The following MBNL3 variants were observed in gnomAD, a reference collection of about 807,000 sequenced individuals.
MBNL3 encodes muscleblind like splicing regulator 3.
A neutral mutation model predicts 24.5 loss-of-function variants in MBNL3; 6 were observed. The observed-to-expected ratio is 0.25, with a 90% confidence interval of 0.13 to 0.48. The LOEUF (loss-of-function observed/expected upper bound fraction) is 0.48. Ranked by LOEUF, MBNL3 falls within the 20% of genes least tolerant of loss-of-function variation. The probability of loss-of-function intolerance (pLI) is 0.99; values close to 1 mark genes in which losing one functional copy is unlikely to be tolerated. For missense variants in MBNL3, 230 were observed against 293.5 expected (o/e 0.78, Z 1.58); for synonymous variants, 100 against 101.7 (o/e 0.98, Z 0.10).
At chrX:132,415,371 G>C (rs1337417208) in intron 2 of MBNL3, among the ~76,000 whole-genome samples, 2 of 112,206 alleles carry the variant, frequency 1.8e-5, no homozygotes, top group Non-Finnish European at 3.8e-5. Context: ...AAATGTATAT[G>C]AAGAGTATAA....
intron 2 of MBNL3, among the ~76,000 whole-genome samples, chrX:132,409,238 G>T (rs890119777): frequency 3.6e-5 from 4 of 112,174 alleles, no homozygotes; most frequent in Non-Finnish European, 7.5e-5. Flanking sequence ...GTTTGGGAGA[G>T]AACAAACTTG....
intron 1 of MBNL3, among the ~76,000 whole-genome samples, chrX:132,461,346 T>G (rs781343093): frequency 1.3e-4 from 14 of 111,583 alleles, no homozygotes; most frequent in Non-Finnish European, 2.3e-4. Context: ...CTTCACTGGA[T>G]TTCTGTCACA....
intron 1 of MBNL3, among the ~76,000 whole-genome samples, chrX:132,447,083 C>A (rs1253718782): frequency 9.0e-6 from 1 of 110,936 alleles, no homozygotes; most frequent in Non-Finnish European, 1.9e-5. Flanking sequence ...ATTTCTGAGG[C>A]CTCTGTTCTG....
At chrX:132,414,705 C>T (rs755302515) in intron 2 of MBNL3, among the ~76,000 whole-genome samples, 1 of 111,455 alleles carries the variant, frequency 9.0e-6, no homozygotes, top group South Asian at 3.8e-4. Flanking sequence ...CTCTTTAGTA[C>T]ACCCTTAGGA....
chrX:132,483,729 T>C (rs1188544312), intron 1 of MBNL3, among the ~76,000 whole-genome samples: 1 of 112,074 alleles, frequency 8.9e-6, no homozygotes, highest in Non-Finnish European at 1.9e-5. Context: ...CAAAAGATGA[T>C]TGTGGTGGAT....
At chrX:132,459,363 T>C (rs1946522140) in intron 1 of MBNL3, among the ~76,000 whole-genome samples, 1 of 111,107 alleles carries the variant, frequency 9.0e-6, no homozygotes, top group Non-Finnish European at 1.9e-5. Flanking sequence ...TAAACCTGTG[T>C]ATAGAAAGAA....
chrX:132,438,081 T>C (rs145183665), intron 2 of MBNL3: 2,791 of 120,844 alleles, frequency 0.023, 68 homozygotes, highest in African/African-American at 0.085. Flanking sequence ...TTTTTAAGTG[T>C]CAACATGATG....
chrX:132,382,749 A>C (rs1935239518), intron 7 of MBNL3, among the ~76,000 whole-genome samples: 1 of 112,309 alleles, frequency 8.9e-6, no homozygotes, highest in African/African-American at 3.2e-5. Flanking sequence ...GAATGCCGTC[A>C]CTAGATTTGC....
At chrX:132,448,552 G>A (rs986863375) in intron 1 of MBNL3, among the ~76,000 whole-genome samples, 22 of 109,986 alleles carry the variant, frequency 2.0e-4, no homozygotes, top group African/African-American at 7.3e-4. Flanking sequence ...TTATTAGTCC[G>A]GCTAGTGGTC....
chrX:132,450,207 C>G (rs1201551368), intron 1 of MBNL3, among the ~76,000 whole-genome samples: 1 of 111,275 alleles, frequency 9.0e-6, no homozygotes, highest in Non-Finnish European at 1.9e-5. Context: ...GAATGTTGGC[C>G]TGTCTTGCTA....
Position 132,372,928 on chromosome X carries a change from T to G in MBNL3, c.*6738A>C, listed in dbSNP as rs764958989. On this transcript the variant is annotated 3_prime_UTR_variant, in exon 9 of 9. Coordinates refer to ENST00000370853, the MANE Select transcript of MBNL3 (RefSeq NM_001386889.1). ...AATTTCTCTTCAATAATCCAGCTTT[T>G]GAGTATTAGTGATTCTCTTACAGGC... 1 of 111,317 alleles carries G rather than the reference T, an allele frequency of 9.0e-6. No homozygotes were observed. Among genetic ancestry groups the G allele is most frequent in the East Asian group, 2.8e-4 (1 of 3,545 alleles). The allele number at this position is 111,317 out of a possible 1,213,427, so 9.2% of individuals were successfully genotyped here.
At chrX:132,486,570 G>T (rs193152379) in intron 1 of MBNL3, among the ~76,000 whole-genome samples, 1 of 112,389 alleles carries the variant, frequency 8.9e-6, no homozygotes, top group East Asian at 2.8e-4. Flanking sequence ...CTAGGGGAAT[G>T]TACATTCTAC....
chrX:132,455,423 G>A (rs767157720), intron 1 of MBNL3, among the ~76,000 whole-genome samples: 7 of 111,942 alleles, frequency 6.3e-5, no homozygotes, highest in South Asian at 3.7e-4. Flanking sequence ...ATCAAAAAGC[G>A]ATACGGACAA....
chrX:132,466,297 C>T (rs1007645711), intron 1 of MBNL3, among the ~76,000 whole-genome samples: 3 of 111,820 alleles, frequency 2.7e-5, no homozygotes, highest in East Asian at 2.8e-4. Context: ...CTTTGTTAAA[C>T]GGCCCCAAAT....
intron 1 of MBNL3, among the ~76,000 whole-genome samples, chrX:132,468,933 G>T (rs1370798710): frequency 8.9e-6 from 1 of 112,488 alleles, no homozygotes; most frequent in African/African-American, 3.2e-5. Context: ...TTCTGGAGGT[G>T]CCAAGGAATG....
chrX:132,399,502 A>AT (rs985170637), intron 3 of MBNL3, among the ~76,000 whole-genome samples: 2 of 110,621 alleles, frequency 1.8e-5, no homozygotes, highest in African/African-American at 3.3e-5. Context: ...ATAAAAAGTA[A>AT]TTTTTTATAC....
intron 1 of MBNL3, among the ~76,000 whole-genome samples, chrX:132,451,349 C>T (rs1946098674): frequency 8.9e-6 from 1 of 112,338 alleles, no homozygotes; most frequent in Non-Finnish European, 1.9e-5. Flanking sequence ...TGCTGCCTTT[C>T]TTTCAGAGAT....
At chrX:132,441,818 A>G (rs911050328) in intron 1 of MBNL3, among the ~76,000 whole-genome samples, 1 of 111,962 alleles carries the variant, frequency 8.9e-6, no homozygotes, top group Admixed American at 9.5e-5. Context: ...AACACTATTC[A>G]TAATAGCCAA....
intron 2 of MBNL3, among the ~76,000 whole-genome samples, chrX:132,417,121 CTCTT>C (rs1943373652): frequency 9.0e-6 from 1 of 111,458 alleles, no homozygotes; most frequent in Non-Finnish European, 1.9e-5. Context: ...CTCTCTCTCT[CTCTT>C]TCATATATGT....
Sources: allele counts gnomAD v4.1 joint callset (sites outside exome capture counted in the v4.1 genomes callset), GRCh38; gene constraint gnomAD v4.1.1; transcripts MANE v1.5; gene names NCBI Gene and HGNC (gene_info 2026-07-23, HGNC 2026-07-21).